DCAF10: variants seen among roughly 807,000 people sequenced by gnomAD.
DCAF10 encodes DDB1 and CUL4 associated factor 10.
Under a neutral mutation model 51.9 loss-of-function variants are expected in DCAF10, and 19 were observed. The ratio of observed to expected loss-of-function variants is 0.37; its 90% CI spans 0.26 to 0.54. The LOEUF (loss-of-function observed/expected upper bound fraction) is 0.54. Ranked by LOEUF, DCAF10 falls within the 20% of genes least tolerant of loss-of-function variation. The pLI is 0.87. For synonymous variants in DCAF10, 291 were observed against 297.1 expected, an observed-to-expected ratio of 0.98 and a Z score of 0.21; for missense variants, 510 against 730.6, an observed-to-expected ratio of 0.70 and a Z score of 3.48.
chr9:37,802,863 C>T (rs185249581), intron 1 of DCAF10, among the ~76,000 whole-genome samples: 6 of 152,324 alleles, frequency 3.9e-5, no homozygotes, highest in Non-Finnish European at 7.3e-5. Context: ...AAGTTTCCCT[C>T]AAAACACGAA....
chr9:37,817,058 A>G (rs1374289724), intron 1 of DCAF10, among the ~76,000 whole-genome samples: 1 of 152,240 alleles, frequency 6.6e-6, no homozygotes, highest in East Asian at 1.9e-4. Context: ...TAGAATACCA[A>G]TATACAGTCG....
rs993048316 is a variant in DCAF10 at position 37,863,710 on chromosome 9, G to C, written c.*2202G>C. On this transcript the variant is annotated 3_prime_UTR_variant, in exon 7 of 7. Coordinates refer to ENST00000377724, the MANE Select transcript of DCAF10 (RefSeq NM_024345.5). ...AGGCAGGCATGGGAGTAGATGCTGA[G>C]AATTCTAGCCATAAGAAGAAAAGTA... 3 of 152,160 alleles carry C rather than the reference G, an allele frequency of 2.0e-5. No individual in the cohort carries two copies. The highest frequency in any genetic ancestry group is 2.9e-5 in the Non-Finnish European group (2 of 68,034). The allele number at this position is 152,160 out of a possible 1,614,324, so 9.4% of individuals were successfully genotyped here.
intron 1 of DCAF10, among the ~76,000 whole-genome samples, chr9:37,807,043 T>G (rs530591531): frequency 2.0e-5 from 3 of 152,370 alleles, no homozygotes; most frequent in African/African-American, 7.2e-5. Context: ...GTTATTAATA[T>G]ATTTAAACAA....
intron 1 of DCAF10, among the ~76,000 whole-genome samples, chr9:37,802,555 A>G (rs138991909): frequency 2.5e-4 from 38 of 152,364 alleles, no homozygotes; most frequent in African/African-American, 8.7e-4. Context: ...GAAAAAAAAT[A>G]GGTTTACAAA....
intron 2 of DCAF10, among the ~76,000 whole-genome samples, chr9:37,838,570 A>G (rs1830241279): frequency 6.6e-6 from 1 of 152,168 alleles, no homozygotes; most frequent in South Asian, 2.1e-4. Flanking sequence ...ATTGTAAGCA[A>G]TCCAAACACC....
At chr9:37,838,117 T>G (rs1830227567) in intron 2 of DCAF10, among the ~76,000 whole-genome samples, 1 of 152,232 alleles carries the variant, frequency 6.6e-6, no homozygotes, top group Non-Finnish European at 1.5e-5. Context: ...GCACAGTGTT[T>G]GAAAAACGGA....
rs190294357 is a variant in DCAF10 at position 37,829,266 on chromosome 9, C to T, written c.653+9865C>T. On this transcript the variant is annotated intron_variant, in intron 2 of 6. Transcript: ENST00000377724. This position sits in a 1 kb window ranked among gnomAD's most constrained non-coding sequence, Gnocchi z 4.2. ...ACCAGCCTGACCAACATGGAGAAAC[C>T]CCGTCTCTACTAAAAATACAAAAAT... 1.6e-3 allele frequency among the ~76,000 whole-genome samples: 249 copies of T among 152,028 alleles called. No homozygotes were observed. Among genetic ancestry groups the T allele is most frequent in the African/African-American group, 5.8e-3 (240 of 41,442 alleles).
At chr9:37,846,044 A>G (rs1463937500) in intron 3 of DCAF10, among the ~76,000 whole-genome samples, 1 of 152,132 alleles carries the variant, frequency 6.6e-6, no homozygotes, top group Non-Finnish European at 1.5e-5. Flanking sequence ...TGATACCCGA[A>G]CTTAACAAAG....
Position 37,861,594 on chromosome 9 carries a change from A to G in DCAF10, c.*86A>G, listed in dbSNP as rs1831018991. 2 of 1,515,574 alleles carry G rather than the reference A, an allele frequency of 1.3e-6. No individual in the cohort carries two copies. The highest frequency in any genetic ancestry group is 2.3e-5 in the East Asian group (1 of 44,038). The allele number at this position is 1,515,574 out of a possible 1,614,324, so 93.9% of individuals were successfully genotyped here. Reference sequence around the variant, plus strand: ...AGATGAAGTATTTTCTTTTTAGAAGATCTTATAAGTTTGGGTCAAGATCCT... The same window carrying G: ...AGATGAAGTATTTTCTTTTTAGAAGGTCTTATAAGTTTGGGTCAAGATCCT... On this transcript the variant is annotated 3_prime_UTR_variant, in exon 7 of 7. Coordinates refer to ENST00000377724, the MANE Select transcript of DCAF10 (RefSeq NM_024345.5). The surrounding 1 kb of genome is among the most constrained non-coding windows in gnomAD (Gnocchi z 4.9).
chr9:37,847,709 G>A (rs144349631), intron 3 of DCAF10, among the ~76,000 whole-genome samples: 8 of 152,218 alleles, frequency 5.3e-5, no homozygotes, highest in African/African-American at 1.4e-4. Flanking sequence ...AAAGGAAGAC[G>A]TAAACTGTCT....
intron 1 of DCAF10, among the ~76,000 whole-genome samples, chr9:37,816,900 C>A (rs1418275482): frequency 2.6e-5 from 4 of 152,000 alleles, no homozygotes; most frequent in African/African-American, 9.7e-5. Flanking sequence ...TTTAACAGAA[C>A]CTGACATGGT....
intron 5 of DCAF10, among the ~76,000 whole-genome samples, chr9:37,859,359 C>T (rs1026377686): frequency 4.6e-5 from 7 of 152,180 alleles, no homozygotes; most frequent in Non-Finnish European, 1.0e-4. Flanking sequence ...GTTTTTCACG[C>T]ACCTGAAGGA....
rs1397367617 is a variant in DCAF10, at chr9:37,823,532, C to T, written c.653+4131C>T. ...TGTCCAGGGAAACTGTTAATCCAGA[C>T]TAAAGAATTGTAATTAGGTAAAATG... On this transcript the variant is annotated intron_variant, in intron 2 of 6. Coordinates refer to ENST00000377724, the MANE Select transcript of DCAF10 (RefSeq NM_024345.5). 2.0e-5 allele frequency among the ~76,000 whole-genome samples: 3 copies of T among 151,430 alleles called. No homozygotes were observed. The East Asian group carries it at 5.8e-4, about 29-fold the overall frequency.
At chr9:37,806,284 G>A (rs1020495865) in intron 1 of DCAF10, among the ~76,000 whole-genome samples, 10 of 152,058 alleles carry the variant, frequency 6.6e-5, no homozygotes, top group African/African-American at 2.4e-4. Context: ...ATGCTTCATC[G>A]CCTTCCTTGG....
chr9:37,815,807 AT>A (rs963290323), intron 1 of DCAF10, among the ~76,000 whole-genome samples: 5 of 152,046 alleles, frequency 3.3e-5, no homozygotes, highest in South Asian at 4.1e-4. Flanking sequence ...AGCCAAAAAA[AT>A]TTTTTTTGAG....
chr9:37,808,071 C>T (rs1011626715), intron 1 of DCAF10, among the ~76,000 whole-genome samples: 6 of 151,992 alleles, frequency 3.9e-5, no homozygotes, highest in Admixed American at 3.3e-4. Flanking sequence ...CATATGAGAC[C>T]ACAAGTTTCA....
At chr9:37,819,665 C>A (rs1238987022) in intron 2 of DCAF10, among the ~76,000 whole-genome samples, 1 of 152,160 alleles carries the variant, frequency 6.6e-6, no homozygotes, top group Non-Finnish European at 1.5e-5. Context: ...TCATTATGAA[C>A]CTCAGCCATG....
intron 3 of DCAF10, among the ~76,000 whole-genome samples, chr9:37,854,451 A>G (rs2118154694): frequency 6.6e-6 from 1 of 152,256 alleles, no homozygotes; most frequent in East Asian, 1.9e-4. Context: ...ACATATTTAC[A>G]GGGTACAATT....
Position 37,847,253 on chromosome 9 carries a change from C to CAA in DCAF10, c.851+4990_851+4991dup, listed in dbSNP as rs78089886. ...GGGGCACAAGAGTGAAACTCCATCT[C>CAA]AAAAAAAAAAAAAAAAAAAAAAAAG... On this transcript the variant is annotated intron_variant, in intron 3 of 6. Transcript: ENST00000377724. Among the ~76,000 whole-genome samples, 195 of 32,634 alleles carry CAA rather than the reference C, an allele frequency of 6.0e-3. 2 individuals are homozygous for CAA. The highest frequency in any genetic ancestry group is 7.2e-3 in the Non-Finnish European group (124 of 17,260). 21.4% of individuals were successfully genotyped at this position (32,634 alleles called of 152,430 possible).
Sources: gnomAD v4.1 joint callset for allele counts (sites outside exome capture counted in the v4.1 genomes callset) on GRCh38, gnomAD v4.1.1 for gene constraint, Gnocchi (gnomAD v3.1) non-coding constraint, MANE v1.5 for transcripts, NCBI Gene and HGNC (gene_info 2026-07-23, HGNC 2026-07-21) for gene names.